Variants in NCOR1 observed in about 807,000 individuals in gnomAD.
NCOR1 encodes nuclear receptor corepressor 1.
A neutral mutation model predicts 288.1 loss-of-function variants in NCOR1; 63 were observed. The ratio of observed to expected loss-of-function variants is 0.22; its 90% confidence interval spans 0.18 to 0.27. NCOR1 has a LOEUF of 0.27. Among genes scored for constraint, NCOR1 ranks in the 10% least tolerant of loss-of-function variants. NCOR1 has a pLI of 1.00. For missense variants in NCOR1, 2,397 were observed against 3,019.2 expected (o/e 0.79, Z 4.83); for synonymous variants, 1,007 against 1,065.9 (o/e 0.94, Z 1.08).
intron 2 of NCOR1, among the ~76,000 whole-genome samples, chr17:16,194,057 T>C (rs2089229586): frequency 6.6e-6 from 1 of 152,202 alleles, no homozygotes; most frequent in Non-Finnish European, 1.5e-5. Context: ...CTACCTACTA[T>C]ACAAATCTTC....
intron 1 of NCOR1, among the ~76,000 whole-genome samples, chr17:16,203,868 A>G (rs1233961829): frequency 3.9e-5 from 6 of 152,190 alleles, no homozygotes; most frequent in Non-Finnish European, 8.8e-5. Context: ...AAAGATGTCA[A>G]TTTCCCCAAA....
intron 1 of NCOR1, among the ~76,000 whole-genome samples, chr17:16,208,042 T>C (rs2091743764): frequency 7.9e-6 from 1 of 126,636 alleles, no homozygotes; most frequent in Non-Finnish European, 1.7e-5. Flanking sequence ...TTTCTTTTTT[T>C]TTTTTTTTTT....
chr17:16,143,069 G>A (rs538156927), intron 11 of NCOR1, among the ~76,000 whole-genome samples: 129 of 152,208 alleles, frequency 8.5e-4, no homozygotes, highest in African/African-American at 2.9e-3. Context: ...ATCACCTGCA[G>A]ACAGATGACT....
At chr17:16,135,095 C>T (rs978817471) in intron 14 of NCOR1, among the ~76,000 whole-genome samples, 1 of 140,290 alleles carries the variant, frequency 7.1e-6, no homozygotes, top group Non-Finnish European at 1.5e-5. Context: ...GGAGGTGGAG[C>T]TTGCAGTGAG....
At chr17:16,126,261 T>C in intron 14 of NCOR1, 55 bp from the exon 15 acceptor site, 1 of 1,461,024 alleles carries the variant, frequency 6.8e-7, no homozygotes, top group Non-Finnish European at 9.1e-7. Flanking sequence ...AATAGCTCCT[T>C]ATAGTGTGAT....
intron 26 of NCOR1, 113 bp downstream of exon 26, chr17:16,079,851 G>C: frequency 1.2e-6 from 1 of 803,236 alleles, no homozygotes; most frequent in Non-Finnish European, 2.1e-6. Flanking sequence ...ATGAGACCCA[G>C]TCCCATAATG....
chr17:16,189,965 C>T (rs1457379347), intron 2 of NCOR1, among the ~76,000 whole-genome samples: 1 of 152,158 alleles, frequency 6.6e-6, no homozygotes, highest in Admixed American at 6.5e-5. Context: ...GGGCATGCTG[C>T]TTCATGCCTA....
chr17:16,139,113 T>C lies in NCOR1; in HGVS notation c.1247A>G (p.Lys416Arg). The C allele has an allele frequency of 1.9e-6, 3 of 1,613,640 alleles. No homozygotes were observed. The highest frequency in any genetic ancestry group is 1.7e-5 in the Admixed American group (1 of 60,014). Residue 416 changes from lysine to arginine, a missense_variant, in exon 12 of 46, where the codon AAG (lysine) becomes AGG (arginine). By Grantham distance (26) the Lys-to-Arg change is conservative. Transcript: ENST00000268712. ...MMFDAEQRRV[K>R]FINMNGLMED... ...CATAAGCCCATTCATGTTAATGAAC[T>C]TGACTCGTCTTTGTTCTGCATCAAA...
chr17:16,075,744 G>C, intron 26 of NCOR1, 42 bp from the exon 27 acceptor site: 1 of 1,605,214 alleles, frequency 6.2e-7, no homozygotes, highest in Non-Finnish European at 8.5e-7. Context: ...AGTCACTCGA[G>C]TTTAGGGAAA....
chr17:16,049,182 G>C, intron 40 of NCOR1, 194 bp from the exon 41 acceptor site: 1 of 440,690 alleles, frequency 2.3e-6, no homozygotes, highest in Non-Finnish European at 3.9e-6. Flanking sequence ...AAAAACCACT[G>C]TGTTACTGCC....
intron 31 of NCOR1, 41 bp downstream of exon 31, chr17:16,070,124 T>G: frequency 6.7e-7 from 1 of 1,495,326 alleles, no homozygotes. Flanking sequence ...TTTTTTTAAA[T>G]GCAATAAAAA....
chr17:16,051,914 AAAAT>A (rs538799300), intron 40 of NCOR1, among the ~76,000 whole-genome samples: 18 of 152,254 alleles, frequency 1.2e-4, no homozygotes, highest in South Asian at 2.1e-4. Context: ...TCCTTCTCAA[AAAAT>A]AAATAAATAA....
At chr17:16,135,533 G>T (rs1169362063) in intron 14 of NCOR1, among the ~76,000 whole-genome samples, 1 of 152,050 alleles carries the variant, frequency 6.6e-6, no homozygotes, top group Non-Finnish European at 1.5e-5. Context: ...GGTTGCACTT[G>T]TACTAATGCC....
chr17:16,104,665 G>T (rs1208194648), intron 19 of NCOR1, among the ~76,000 whole-genome samples: 1 of 152,148 alleles, frequency 6.6e-6, no homozygotes, highest in Non-Finnish European at 1.5e-5. Context: ...CCAGCTATTG[G>T]GAGGCTGAGG....
At chr17:16,144,580 C>A (rs936329155) in intron 10 of NCOR1, among the ~76,000 whole-genome samples, 1 of 151,520 alleles carries the variant, frequency 6.6e-6, no homozygotes, top group African/African-American at 2.4e-5. Context: ...TTTTCCTGAA[C>A]CCTCTCCCTC....
intron 26 of NCOR1, 82 bp from the exon 27 acceptor site, chr17:16,075,784 GAC>G: frequency 3.4e-6 from 5 of 1,479,858 alleles, no homozygotes; most frequent in Non-Finnish European, 1.9e-6. Context: ...TTTAACCTAT[GAC>G]AGAGTCAGGC....
chr17:16,070,641 GT>G, intron 30 of NCOR1, 116 bp from the exon 31 acceptor site: 1 of 1,393,986 alleles, frequency 7.2e-7, no homozygotes, highest in Non-Finnish European at 9.8e-7. Flanking sequence ...TTTTTGGTCT[GT>G]TTACAAATCT....
chr17:16,080,330 T>A (rs893099720), intron 25 of NCOR1, 78 bp downstream of exon 25: 67 of 1,186,210 alleles, frequency 5.6e-5, no homozygotes, highest in Non-Finnish European at 7.5e-5. Flanking sequence ...AGCCCATCAT[T>A]AAAATATATT....
chr17:16,176,693 T>C (rs920481768), intron 3 of NCOR1, among the ~76,000 whole-genome samples: 1 of 152,100 alleles, frequency 6.6e-6, no homozygotes, highest in Admixed American at 6.6e-5. Context: ...CTCAGAACTT[T>C]GTAGCTACTG....
Sources: gnomAD v4.1 joint callset for allele counts (sites outside exome capture counted in the v4.1 genomes callset) on GRCh38, gnomAD v4.1.1 for gene constraint, MANE v1.5 for transcripts, NCBI Gene and HGNC (gene_info 2026-07-23, HGNC 2026-07-21) for gene names.